SMLR1: variants seen among roughly 807,000 people sequenced by gnomAD.
SMLR1 encodes the protein small leucine rich protein 1.
SMLR1 carries 3 observed loss-of-function variants against 6.1 expected under a neutral mutation model. The observed-to-expected ratio is 0.49, with a 90% CI of 0.22 to 1.28. The LOEUF (loss-of-function observed/expected upper bound fraction) is 1.28. SMLR1 is among the 50% of genes most tolerant of loss of function. The probability of loss-of-function intolerance (pLI) is 0.19; values close to 1 mark genes in which losing one functional copy is unlikely to be tolerated. For synonymous variants in SMLR1, 55 were observed against 53.6 expected (o/e 1.03, Z -0.11); for missense variants, 126 against 124.8 (o/e 1.01, Z -0.05).
At chr6:130,834,828 C>T in intron 1 of SMLR1, 42 bp from the exon 2 acceptor site, 2 of 1,489,432 alleles carry the variant, frequency 1.3e-6, no homozygotes, top group Non-Finnish European at 1.8e-6. Flanking sequence ...ACCAATGGCA[C>T]TCAGATGTCT....
chr6:130,831,643 G>A (rs1459248330), intron 1 of SMLR1, among the ~76,000 whole-genome samples: 1 of 152,196 alleles, frequency 6.6e-6, no homozygotes, highest in Non-Finnish European at 1.5e-5. Flanking sequence ...TTAAAAAACT[G>A]TCAACAGATG....
chr6:130,828,680 T>A (rs1185845549), intron 1 of SMLR1, among the ~76,000 whole-genome samples: 2 of 152,180 alleles, frequency 1.3e-5, no homozygotes, highest in African/African-American at 4.8e-5. Flanking sequence ...GGAATCAAGT[T>A]TTTCATCACA....
chr6:130,836,657 AGATTT>A lies in SMLR1; in HGVS notation c.*1703_*1707del, dbSNP rs759315299. Reference sequence around the variant, plus strand: ...CAGAGAATCTCCAATGAAACTGACTAGATTTATGAATGTTTTTTATATGTAGAGAG... The same window carrying A: ...CAGAGAATCTCCAATGAAACTGACTAATGAATGTTTTTTATATGTAGAGAG... On this transcript the variant is annotated 3_prime_UTR_variant, in exon 2 of 2. Transcript: ENST00000541421. The A allele has an allele frequency of 5.9e-5, 9 of 152,194 alleles. No individual in the cohort carries two copies. The East Asian group carries it at 1.3e-3, about 23-fold the overall frequency. 9.4% of individuals were successfully genotyped at this position (152,194 alleles called of 1,614,324 possible).
chr6:130,836,019 TAC>T lies in SMLR1; in HGVS notation c.*1066_*1067del, dbSNP rs1001487008. 27 of 152,174 alleles carry T rather than the reference TAC, an allele frequency of 1.8e-4. No homozygotes were observed. Among genetic ancestry groups the T allele is most frequent in the Admixed American group, 2.6e-4 (4 of 15,268 alleles). The allele number at this position is 152,174 out of a possible 1,614,324, so 9.4% of individuals were successfully genotyped here. A position where few individuals can be genotyped will look rare whatever the true frequency, so the allele number is the denominator to read the frequency against. ...AAATGCACCTGTTTCAGTAGTGGCT[TAC>T]AGTCATACTAAAGGTTGTGTGGATG... On this transcript the variant is annotated 3_prime_UTR_variant, in exon 2 of 2. Transcript: ENST00000541421.
chr6:130,827,991 G>A (rs1027498431), intron 1 of SMLR1, among the ~76,000 whole-genome samples: 1 of 152,160 alleles, frequency 6.6e-6, no homozygotes, highest in African/African-American at 2.4e-5. Flanking sequence ...CATTGTTCAT[G>A]GTCTGCCTTC....
At chr6:130,830,830 T>A (rs1011670006) in intron 1 of SMLR1, among the ~76,000 whole-genome samples, 62 of 152,114 alleles carry the variant, frequency 4.1e-4, no homozygotes, top group African/African-American at 1.4e-3. Flanking sequence ...AGTTTACAAA[T>A]GCCCTGGCAA....
Position 130,836,034 on chromosome 6 carries a change from G to C in SMLR1, c.*1079G>C, listed in dbSNP as rs183613900. 1 of 152,154 alleles carries C rather than the reference G, an allele frequency of 6.6e-6. No homozygotes were observed. Among genetic ancestry groups the C allele is most frequent in the Non-Finnish European group, 1.5e-5 (1 of 68,018 alleles). 9.4% of individuals were successfully genotyped at this position (152,154 alleles called of 1,614,324 possible). On this transcript the variant is annotated 3_prime_UTR_variant, in exon 2 of 2. Transcript: ENST00000541421. Reference sequence around the variant, plus strand: ...AGTAGTGGCTTACAGTCATACTAAAGGTTGTGTGGATGACCCAAAGCAAAA... The same window carrying C: ...AGTAGTGGCTTACAGTCATACTAAACGTTGTGTGGATGACCCAAAGCAAAA...
intron 1 of SMLR1, among the ~76,000 whole-genome samples, 195 bp from the exon 2 acceptor site, chr6:130,834,675 G>A (rs767119480): frequency 3.3e-5 from 5 of 152,112 alleles, no homozygotes; most frequent in Non-Finnish European, 7.4e-5. Context: ...TTAGAAAGAA[G>A]CCTTTACATT....
intron 1 of SMLR1, among the ~76,000 whole-genome samples, chr6:130,830,079 C>G (rs2128384375): frequency 6.6e-6 from 1 of 152,228 alleles, no homozygotes; most frequent in Non-Finnish European, 1.5e-5. Context: ...AAAATAATCC[C>G]AGTTCTAGAA....
chr6:130,827,932 T>C (rs1157293494), intron 1 of SMLR1, among the ~76,000 whole-genome samples: 6 of 152,172 alleles, frequency 3.9e-5, no homozygotes, highest in Non-Finnish European at 8.8e-5. Context: ...TTTTGACATA[T>C]GGTTGCTTGT....
intron 1 of SMLR1, among the ~76,000 whole-genome samples, chr6:130,831,363 T>A (rs1774441836): frequency 1.3e-5 from 2 of 152,178 alleles, no homozygotes; most frequent in African/African-American, 4.8e-5. Context: ...GAGTAATTCT[T>A]GATTATATTT....
chr6:130,831,097 T>C (rs1774430840), intron 1 of SMLR1, among the ~76,000 whole-genome samples: 1 of 152,226 alleles, frequency 6.6e-6, no homozygotes, highest in African/African-American at 2.4e-5. Context: ...CCCTTTCCTG[T>C]AAGAAGGACA....
intron 1 of SMLR1, among the ~76,000 whole-genome samples, chr6:130,831,862 G>A (rs547309231): frequency 3.2e-4 from 49 of 152,322 alleles, no homozygotes; most frequent in Non-Finnish European, 5.7e-4. Flanking sequence ...GTGATGGAAA[G>A]CATGTGGAGG....
At position 130,835,092 on chromosome 6, in the gene SMLR1, G is replaced by A; in HGVS notation, c.*137G>A. 1 of 692,686 alleles carries A rather than the reference G, an allele frequency of 1.4e-6. No individual in the cohort carries two copies. The highest frequency in any genetic ancestry group is 2.4e-6 in the Non-Finnish European group (1 of 412,652). The allele number at this position is 692,686 out of a possible 1,614,324, so 42.9% of individuals were successfully genotyped here. A position where few individuals can be genotyped will look rare whatever the true frequency, so the allele number is the denominator to read the frequency against. ...GAAAGAATACTAAGATACTCATTCT[G>A]AACCATACTGAAAAGTGGCAGCTAT... On this transcript the variant is annotated 3_prime_UTR_variant, in exon 2 of 2. Coordinates refer to ENST00000541421, the MANE Select transcript of SMLR1 (RefSeq NM_001195597.2).
Position 130,836,147 on chromosome 6 carries a change from T to C in SMLR1, c.*1192T>C, listed in dbSNP as rs1169776635. The stretch of plus-strand genomic sequence containing the variant: ...TACCCATTCCGTGAGTAGTTTCCAT[T>C]TGCACTTCTTGCATAATATAAAACT... On this transcript the variant is annotated 3_prime_UTR_variant, in exon 2 of 2. Coordinates refer to ENST00000541421, the MANE Select transcript of SMLR1 (RefSeq NM_001195597.2). The C allele has an allele frequency of 2.0e-5, 3 of 152,182 alleles. No homozygotes were observed. 9.4% of individuals were successfully genotyped at this position (152,182 alleles called of 1,614,324 possible).
intron 1 of SMLR1, 125 bp downstream of exon 1, chr6:130,827,776 C>T (rs1014147257): frequency 1.4e-6 from 1 of 709,130 alleles, no homozygotes; most frequent in Non-Finnish European, 2.3e-6. Context: ...TTTGTAGGTA[C>T]TTCTCAATCA....
chr6:130,829,627 A>C (rs1322035257), intron 1 of SMLR1, among the ~76,000 whole-genome samples: 1 of 152,144 alleles, frequency 6.6e-6, no homozygotes, highest in Non-Finnish European at 1.5e-5. Context: ...AAAAGTTACT[A>C]CCTTAAGTTT....
chr6:130,833,823 C>T (rs1271645375), intron 1 of SMLR1, among the ~76,000 whole-genome samples: 1 of 152,244 alleles, frequency 6.6e-6, no homozygotes, highest in East Asian at 1.9e-4. Flanking sequence ...TGCACCCTCC[C>T]TAACATGATA....
intron 1 of SMLR1, among the ~76,000 whole-genome samples, chr6:130,830,597 C>A (rs539663528): frequency 6.6e-6 from 1 of 152,146 alleles, no homozygotes; most frequent in Non-Finnish European, 1.5e-5. Flanking sequence ...TGAATAGGGG[C>A]TAGGTAAAAT....
Sources: gnomAD v4.1 joint callset for allele counts (sites outside exome capture counted in the v4.1 genomes callset) on GRCh38, gnomAD v4.1.1 for gene constraint, MANE v1.5 for transcripts, NCBI Gene and HGNC (gene_info 2026-07-23, HGNC 2026-07-21) for gene names.